Variants in CNTN5 observed in about 807,000 individuals in gnomAD.
CNTN5 encodes the protein contactin-5.
CNTN5 carries 77 observed loss-of-function variants against 129.1 expected under a neutral mutation model. The observed-to-expected ratio is 0.60, with a 90% confidence interval of 0.50 to 0.72. The LOEUF (loss-of-function observed/expected upper bound fraction) is 0.72. Among genes scored for constraint, CNTN5 ranks in the 30% least tolerant of loss-of-function variants. The pLI, the probability that CNTN5 is intolerant of heterozygous loss-of-function variation, is 0.00. For missense variants in CNTN5, 1,478 were observed against 1,328.8 expected (o/e 1.11, Z -1.75); for synonymous variants, 509 against 465.6 (o/e 1.09, Z -1.20).
At chr11:99,413,639 AC>A (rs1469183339) in intron 2 of CNTN5, among the ~76,000 whole-genome samples, 1 of 152,088 alleles carries the variant, frequency 6.6e-6, no homozygotes, top group Non-Finnish European at 1.5e-5. Flanking sequence ...ACAAAACAAA[AC>A]AAAAACAAAA....
intron 3 of CNTN5, among the ~76,000 whole-genome samples, chr11:99,705,170 T>C (rs868352050): frequency 6.6e-6 from 1 of 151,504 alleles, no homozygotes; most frequent in Middle Eastern, 3.4e-3. Context: ...TCTTATTCTG[T>C]CCTCTTTTCT....
At chr11:100,159,793 T>C (rs1426296769) in intron 13 of CNTN5, among the ~76,000 whole-genome samples, 1 of 151,926 alleles carries the variant, frequency 6.6e-6, no homozygotes, top group African/African-American at 2.4e-5. Flanking sequence ...TTGCAGCATT[T>C]CCTCTGAGGT....
At chr11:99,994,578 A>T (rs1458264652) in intron 8 of CNTN5, among the ~76,000 whole-genome samples, 1 of 152,156 alleles carries the variant, frequency 6.6e-6, no homozygotes, top group Non-Finnish European at 1.5e-5. Flanking sequence ...ACTCATGCAT[A>T]TAAGAGGCTT....
intron 2 of CNTN5, among the ~76,000 whole-genome samples, chr11:99,464,901 A>G (rs1265058806): frequency 1.3e-5 from 2 of 152,202 alleles, no homozygotes; most frequent in Admixed American, 1.3e-4. Context: ...TAACAACTGT[A>G]GTTAGTTTAC....
intron 16 of CNTN5, among the ~76,000 whole-genome samples, chr11:100,252,409 T>C (rs1354993497): frequency 6.6e-6 from 1 of 152,178 alleles, no homozygotes; most frequent in African/African-American, 2.4e-5. Context: ...GAGGAGCTTT[T>C]TAGTTTGGTA....
chr11:99,563,824 C>A (rs1494475), intron 3 of CNTN5, among the ~76,000 whole-genome samples: 32,573 of 152,062 alleles, frequency 0.21, 4,167 homozygotes, highest in Middle Eastern at 0.31. Flanking sequence ...ACAGGAAAAT[C>A]CCCAGTTTAC....
At chr11:99,472,685 T>C (rs1945221344) in intron 2 of CNTN5, among the ~76,000 whole-genome samples, 1 of 152,150 alleles carries the variant, frequency 6.6e-6, no homozygotes, top group South Asian at 2.1e-4. Context: ...TTTTCTTTTC[T>C]TGAGATGGAG....
chr11:99,698,488 T>A (rs1352884241), intron 3 of CNTN5, among the ~76,000 whole-genome samples: 1 of 151,534 alleles, frequency 6.6e-6, no homozygotes, highest in African/African-American at 2.4e-5. Context: ...ATTTATCTCC[T>A]TTTTGGGTCA....
intron 1 of CNTN5, among the ~76,000 whole-genome samples, chr11:99,182,010 C>T (rs1031303998): frequency 3.9e-5 from 6 of 152,102 alleles, no homozygotes; most frequent in Admixed American, 6.6e-5. Flanking sequence ...CATTATGATG[C>T]CTCTCATTGC....
chr11:100,114,137 A>G (rs532959920), intron 13 of CNTN5, among the ~76,000 whole-genome samples: 4 of 152,284 alleles, frequency 2.6e-5, no homozygotes, highest in Non-Finnish European at 5.9e-5. Context: ...TCAGCAGTTT[A>G]AAACAAAACT....
At chr11:99,797,234 G>A (rs1945972862) in intron 3 of CNTN5, among the ~76,000 whole-genome samples, 1 of 152,110 alleles carries the variant, frequency 6.6e-6, no homozygotes, top group South Asian at 2.1e-4. Context: ...CGTAATTTTT[G>A]TAAAATGATC....
At chr11:99,253,895 G>GTT (rs1297801465) in intron 1 of CNTN5, among the ~76,000 whole-genome samples, 24 of 82,358 alleles carry the variant, frequency 2.9e-4, no homozygotes, top group African/African-American at 1.4e-3. Context: ...ACAAATATAC[G>GTT]TTTATATATA....
chr11:99,937,788 A>G (rs187468268), intron 7 of CNTN5, among the ~76,000 whole-genome samples: 80 of 152,298 alleles, frequency 5.3e-4, no homozygotes, highest in South Asian at 3.9e-3. Flanking sequence ...TTGCTTCTCC[A>G]GTGGAAAACC....
intron 7 of CNTN5, 114 bp from the exon 8 acceptor site, chr11:99,956,692 A>C: frequency 1.5e-6 from 1 of 678,086 alleles, no homozygotes; most frequent in South Asian, 1.9e-5. Flanking sequence ...ACATGGATCA[A>C]ATATGTATGA....
At chr11:99,197,594 A>G (rs928275954) in intron 1 of CNTN5, among the ~76,000 whole-genome samples, 5 of 152,066 alleles carry the variant, frequency 3.3e-5, no homozygotes, top group African/African-American at 1.2e-4. Context: ...GAGACCATTA[A>G]AAAAGATGCA....
At chr11:99,613,344 C>T (rs1309520993) in intron 3 of CNTN5, among the ~76,000 whole-genome samples, 1 of 152,150 alleles carries the variant, frequency 6.6e-6, no homozygotes, top group Non-Finnish European at 1.5e-5. Context: ...TGTCTTCTTC[C>T]TGCAGTCTTG....
chr11:99,312,393 T>TA (rs1005779625), intron 1 of CNTN5, among the ~76,000 whole-genome samples: 5 of 152,274 alleles, frequency 3.3e-5, no homozygotes, highest in East Asian at 1.9e-4. Flanking sequence ...CTTTATGTGT[T>TA]AAAAAAATAA....
chr11:99,858,044 GC>G (rs113119996), intron 6 of CNTN5, among the ~76,000 whole-genome samples: 18 of 147,982 alleles, frequency 1.2e-4, no homozygotes, highest in African/African-American at 2.0e-4. Context: ...AAAATATCCA[GC>G]AAAAAAAAAG....
intron 2 of CNTN5, among the ~76,000 whole-genome samples, chr11:99,369,168 T>TTA (rs971531361): frequency 1.7e-4 from 24 of 142,958 alleles, no homozygotes; most frequent in Non-Finnish European, 3.6e-4. Context: ...GGGAGAAGAA[T>TTA]TATATATATA....
Sources: allele counts gnomAD v4.1 joint callset (sites outside exome capture counted in the v4.1 genomes callset), GRCh38; gene constraint gnomAD v4.1.1; transcripts MANE v1.5; gene names NCBI Gene and HGNC (gene_info 2026-07-23, HGNC 2026-07-21).